The following CSF3R variants were observed in gnomAD, a reference collection of about 807,000 sequenced individuals.
The protein encoded by CSF3R is granulocyte colony-stimulating factor receptor.
CSF3R carries 52 observed loss-of-function variants against 84.4 expected under a neutral mutation model. The observed-to-expected ratio is 0.62, with a 90% CI of 0.49 to 0.78. The LOEUF is 0.78. Ranked by LOEUF, CSF3R falls within the 30% of genes least tolerant of loss-of-function variation. The pLI is 0.00. For synonymous variants in CSF3R, 384 were observed against 429.1 expected, an observed-to-expected ratio of 0.89 and a Z score of 1.30; for missense variants, 890 against 1,055.7, an observed-to-expected ratio of 0.84 and a Z score of 2.17.
Position 36,466,238 on chromosome 1 carries a change from G to A in CSF3R, c.*119C>T. On this transcript the variant is annotated 3_prime_UTR_variant, in exon 17 of 17. Transcript: ENST00000373106. The surrounding 1 kb of genome is among the most constrained non-coding windows in gnomAD (Gnocchi z 4.6). Reference sequence around the variant, plus strand: ...GGAGGAGAGGGAGATGCTGGTGACTGGAGATGGTGAGAGCCTGGGCTGGGG... The same window carrying A: ...GGAGGAGAGGGAGATGCTGGTGACTAGAGATGGTGAGAGCCTGGGCTGGGG... The A allele has an allele frequency of 6.2e-7, 1 of 1,614,074 alleles. No homozygotes were observed. The highest frequency in any genetic ancestry group is 8.5e-7 in the Non-Finnish European group (1 of 1,179,994).
At chr1:36,473,096 A>T in intron 6 of CSF3R, 1 of 388,942 alleles carries the variant, frequency 2.6e-6, no homozygotes, top group Non-Finnish European at 4.7e-6. Context: ...ATTCTATCTT[A>T]TTTTCCCCCC....
In CSF3R at chr1:36,475,687, G is replaced by T; in HGVS notation, c.65-14C>A. 2 of 1,603,622 alleles carry T rather than the reference G, an allele frequency of 1.2e-6. No homozygotes were observed. The highest frequency in any genetic ancestry group is 1.1e-5 in the South Asian group (1 of 90,382). ...ACTCCTCCAGACCTGGGGTGGAAGA[G>T]AATGGGCCAGGAACGACGCCTCTGC... On this transcript the variant is annotated splice_polypyrimidine_tract_variant and intron_variant, in intron 3 of 16. Coordinates refer to ENST00000373106, the MANE Select transcript of CSF3R (RefSeq NM_000760.4).
At position 36,467,357 on chromosome 1, in the gene CSF3R, T is replaced by G. The variant is rs774903771; in HGVS notation, c.1959-46A>C. 1 of 1,595,738 alleles carries G rather than the reference T, an allele frequency of 6.3e-7. No homozygotes were observed. ...AGGCTGAGTCAGACACACCCTCCGA[T>G]CTTTCCATTTTTTGTCCCACCCACC... is the stretch of plus-strand genomic sequence containing the variant. On this transcript the variant is annotated intron_variant, in intron 15 of 16. Transcript: ENST00000373106. The surrounding 1 kb of genome is among the most constrained non-coding windows in gnomAD (Gnocchi z 4.1).
intron 1 of CSF3R, among the ~76,000 whole-genome samples, chr1:36,482,290 G>A (rs3917913): frequency 0.012 from 1,536 of 127,820 alleles, 19 homozygotes; most frequent in African/African-American, 0.044. Flanking sequence ...AATGTACGCC[G>A]ACCCAGAGAG....
chr1:36,480,083 T>G, intron 2 of CSF3R: 1 of 177,978 alleles, frequency 5.6e-6, no homozygotes, highest in Non-Finnish European at 1.2e-5. Flanking sequence ...ATTTATCCCT[T>G]GGATGGGAGG....
rs142428577 is a variant in CSF3R at position 36,471,896 on chromosome 1, T to A, written c.1071+170A>T. ...AACCACACTGTGACGTGCGTTACAG[T>A]CTGTCCAAAAGCTAACTCAGCTCCC... On this transcript the variant is annotated intron_variant, in intron 9 of 16. Transcript: ENST00000373106. 1.8e-4 allele frequency: 136 copies of A among 737,082 alleles called. No homozygotes were observed. In the African/African-American group the frequency reaches 1.9e-3, roughly 10 times the overall value. The allele number at this position is 737,082 out of a possible 1,614,324, so 45.7% of individuals were successfully genotyped here.
chr1:36,467,859 G>C lies in CSF3R; in HGVS notation c.1827C>G (p.Thr609=). ...TCATCAGGGTGAGGACTGTACTGTTGGTGGCCCCAGCCTGGCTGGCAGCCA... is the reference window on the plus strand; with the variant it reads ...TCATCAGGGTGAGGACTGTACTGTTCGTGGCCCCAGCCTGGCTGGCAGCCA... The part of the protein sequence containing the change: ...HLMAASQAGA[T]NSTVLTLMTL... Residue 609 remains threonine, a synonymous_variant, in exon 14 of 17, where the codon ACC becomes ACG. Transcript: ENST00000373106. This position sits in a 1 kb window ranked among gnomAD's most constrained non-coding sequence, Gnocchi z 4.1. 6.2e-7 allele frequency: 1 copy of C among 1,614,248 alleles called. No individual in the cohort carries two copies. The highest frequency in any genetic ancestry group is 8.5e-7 in the Non-Finnish European group (1 of 1,180,046).
intron 2 of CSF3R, 47 bp from the exon 3 acceptor site, chr1:36,479,563 C>G: frequency 3.5e-6 from 5 of 1,421,334 alleles, no homozygotes; most frequent in African/African-American, 1.4e-5. Flanking sequence ...GGAGTCAGAG[C>G]TGATCTTAAT....
intron 3 of CSF3R, 91 bp from the exon 4 acceptor site, chr1:36,475,764 C>T (rs1157484499): frequency 4.7e-6 from 6 of 1,284,010 alleles, no homozygotes; most frequent in Non-Finnish European, 1.1e-6. Flanking sequence ...ACTCAGAGGC[C>T]TCACCTTCCT....
At chr1:36,476,791 G>A (rs1651183190) in intron 3 of CSF3R, among the ~76,000 whole-genome samples, 1 of 151,926 alleles carries the variant, frequency 6.6e-6, no homozygotes, top group Non-Finnish European at 1.5e-5. Context: ...CTCCTGAGTA[G>A]CTGGGACTAC....
In CSF3R at chr1:36,475,633, G is replaced by A. The variant is rs3917954; in HGVS notation, c.105C>T (p.Ile35=). The A allele has an allele frequency of 1.7e-5, 27 of 1,607,000 alleles. No homozygotes were observed. The South Asian group carries it at 2.1e-4, about 12-fold the overall frequency. ...ECGHISVSAP[I]VHLGDPITAS... is the part of the protein sequence containing the mutation. ...CTGTGATGGGATCCCCCAGGTGGAC[G>A]ATGGGGGCTGAGACACTGATGTGCC... The change falls in exon 4 of 17, where the codon ATC becomes ATT. Residue 35 remains isoleucine (I), a synonymous_variant. Coordinates refer to ENST00000373106, the MANE Select transcript of CSF3R (RefSeq NM_000760.4).
chr1:36,471,969 C>T (rs1352004907), intron 9 of CSF3R, 97 bp downstream of exon 9: 3 of 1,251,348 alleles, frequency 2.4e-6, no homozygotes, highest in African/African-American at 1.5e-5. Context: ...GCGTCCACGC[C>T]TCCCAGACCT....
Position 36,473,756 on chromosome 1 carries a change from C to T in CSF3R, c.485+8G>A. Reference sequence around the variant, plus strand: ...AGGGAGGGGACCAAGGTGGGGGCCCCTCCTCACTTGAAACTCTTCAGAGTG... The same window carrying T: ...AGGGAGGGGACCAAGGTGGGGGCCCTTCCTCACTTGAAACTCTTCAGAGTG... On this transcript the variant is annotated splice_region_variant and intron_variant, in intron 5 of 16. Coordinates refer to ENST00000373106, the MANE Select transcript of CSF3R (RefSeq NM_000760.4). 6.2e-7 allele frequency: 1 copy of T among 1,614,260 alleles called. No homozygotes were observed. The highest frequency in any genetic ancestry group is 8.5e-7 in the Non-Finnish European group (1 of 1,180,048).
intron 9 of CSF3R, 133 bp downstream of exon 9, chr1:36,471,933 A>G: frequency 1.1e-6 from 1 of 902,918 alleles, no homozygotes; most frequent in Non-Finnish European, 1.7e-6. Context: ...AGGCACATGC[A>G]AAGTGCATGC....
chr1:36,468,470 T>G, intron 12 of CSF3R: 5 of 404,744 alleles, frequency 1.2e-5, no homozygotes, highest in East Asian at 4.0e-5. Flanking sequence ...CCAGGCCTGA[T>G]TTCATCTGAT....
chr1:36,478,075 G>A (rs1408648360), intron 3 of CSF3R, among the ~76,000 whole-genome samples: 1 of 152,136 alleles, frequency 6.6e-6, no homozygotes, highest in Non-Finnish European at 1.5e-5. Flanking sequence ...AGGATTTCAG[G>A]CTGGAAGAAA....
rs1007587735 is a variant in CSF3R at position 36,468,056 on chromosome 1, G to A, written c.1723+19C>T. 1 of 1,614,144 alleles carries A rather than the reference G, an allele frequency of 6.2e-7. No homozygotes were observed. The highest frequency in any genetic ancestry group is 8.5e-7 in the Non-Finnish European group (1 of 1,180,052). ...TTCCAGGCCTTCTGGGGCTGTGGGG[G>A]AACTGAGGATAGACTCACAGAAGGA... On this transcript the variant is annotated intron_variant, in intron 13 of 16. Coordinates refer to ENST00000373106, the MANE Select transcript of CSF3R (RefSeq NM_000760.4).
chr1:36,480,986 G>A (rs1651483005), intron 2 of CSF3R, among the ~76,000 whole-genome samples: 1 of 152,206 alleles, frequency 6.6e-6, no homozygotes, highest in Non-Finnish European at 1.5e-5. Flanking sequence ...TGAGAAACCT[G>A]TACAAGTATC....
rs1650786185 is a variant in CSF3R at position 36,472,103 on chromosome 1, C to T, written c.1034G>A (p.Arg345Lys). The stretch of plus-strand genomic sequence containing the variant: ...CTGCACTGTCCTGGGGTCCAGCTGC[C>T]TCTGCCGCCACCATGTGTCCAGTCT... ...TVRLDTWWRQ[R>K]QLDPRTVQLF... The change falls in exon 9 of 17, where the codon AGG becomes AAG. Residue 345 changes from arginine to lysine, a missense_variant. By Grantham distance (26) the Arg-to-Lys change is conservative. Transcript: ENST00000373106. This position sits in a 1 kb window ranked among gnomAD's most constrained non-coding sequence, Gnocchi z 5.0. The T allele has an allele frequency of 6.2e-7, 1 of 1,613,700 alleles. No individual in the cohort carries two copies. Among genetic ancestry groups the T allele is most frequent in the African/African-American group, 1.3e-5 (1 of 74,920 alleles).
Sources: allele counts gnomAD v4.1 joint callset (sites outside exome capture counted in the v4.1 genomes callset), GRCh38; gene constraint gnomAD v4.1.1; non-coding constraint Gnocchi (gnomAD v3.1); transcripts MANE v1.5; gene names NCBI Gene and HGNC (gene_info 2026-07-23, HGNC 2026-07-21).